SYNM: variants seen among roughly 807,000 people sequenced by gnomAD.
The protein encoded by SYNM is desmuslin.
A neutral mutation model predicts 104.0 loss-of-function variants in SYNM; 95 were observed. That is an observed-to-expected ratio of 0.91 (90% CI 0.77 to 1.08). The LOEUF (loss-of-function observed/expected upper bound fraction) is 1.08. SYNM is among the 50% of genes least tolerant of loss of function. The pLI, the probability that SYNM is intolerant of heterozygous loss-of-function variation, is 0.00. For missense variants in SYNM, 2,150 were observed against 2,052.2 expected (o/e 1.05, Z -0.92); for synonymous variants, 918 against 869.0 (o/e 1.06, Z -0.99).
intron 1 of SYNM, among the ~76,000 whole-genome samples, chr15:99,107,994 G>A: frequency 7.0e-6 from 1 of 142,924 alleles, no homozygotes; most frequent in Non-Finnish European, 1.5e-5. Context: ...TTGGTTTTTT[G>A]AGACGGAGTC....
chr15:99,133,153 A>C lies in SYNM; in HGVS notation c.*95A>C. 5.2e-6 allele frequency: 8 copies of C among 1,530,586 alleles called. No homozygotes were observed. The highest frequency in any genetic ancestry group is 7.0e-6 in the Non-Finnish European group (8 of 1,148,202). 94.8% of individuals were successfully genotyped at this position (1,530,586 alleles called of 1,614,324 possible). On this transcript the variant is annotated 3_prime_UTR_variant, in exon 4 of 4. Transcript: ENST00000336292. The stretch of plus-strand genomic sequence containing the variant: ...TTTAAGAGGCCGAGGGAGTCTATGA[A>C]AATCTCCCCTTTTTTACTTTTTTAA...
In SYNM at chr15:99,132,918, G is replaced by A; in HGVS notation, c.4558G>A (p.Gly1520Ser). The A allele has an allele frequency of 6.2e-7, 1 of 1,613,850 alleles. No homozygotes were observed. The change falls in exon 4 of 4, where the codon GGC (glycine) becomes AGC (serine). Residue 1520 changes from glycine (G) to serine (S), a missense_variant. Coordinates refer to ENST00000336292, the MANE Select transcript of SYNM (RefSeq NM_145728.3). ...AGGAGACCAGGCCCACAGAGAACAG[G>A]GCAAGGAGCAGGCCATGTTTGATAA... ...GEGDQAHREQ[G>S]KEQAMFDKKV...
rs554462266 is a variant in SYNM at position 99,115,958 on chromosome 15, C to T, written c.935+2243C>T. Among the ~76,000 whole-genome samples the T allele has an allele frequency of 1.8e-4, 27 of 152,364 alleles. No homozygotes were observed. The South Asian group carries it at 3.3e-3, about 19-fold the overall frequency. ...ACTCCCATCAGTGAAGAGGGAGCAG[C>T]TCTATCAGGCAGCCCCTGGCCTGGG... On this transcript the variant is annotated intron_variant, in intron 2 of 3. Transcript: ENST00000336292.
Position 99,130,748 on chromosome 15 carries a change from A to T in SYNM, c.2388A>T (p.Thr796=), listed in dbSNP as rs199953085. The change falls in exon 4 of 4, where the codon ACA becomes ACT. Residue 796 remains threonine (T), a synonymous_variant. Coordinates refer to ENST00000336292, the MANE Select transcript of SYNM (RefSeq NM_145728.3). ...AAGGTTATGGAGAAAGCGATGTCAC[A>T]TTCTCAGTTAATCAGCATCGAAGGA... The part of the protein sequence containing the change: ...EEEGYGESDV[T]FSVNQHRRTK... 318 of 1,613,882 alleles carry T rather than the reference A, an allele frequency of 2.0e-4. No individual in the cohort carries two copies. The highest frequency in any genetic ancestry group is 2.4e-4 in the Non-Finnish European group (279 of 1,179,888).
At chr15:99,127,204 G>C (rs2067456006) in intron 3 of SYNM, among the ~76,000 whole-genome samples, 1 of 152,162 alleles carries the variant, frequency 6.6e-6, no homozygotes, top group Admixed American at 6.5e-5. Flanking sequence ...CAGCACTCTG[G>C]AACCTGCTAC....
At chr15:99,115,138 A>G (rs79370414) in intron 2 of SYNM, among the ~76,000 whole-genome samples, 11,055 of 152,040 alleles carry the variant, frequency 0.073, 436 homozygotes, top group South Asian at 0.087. Context: ...TGCCATCCCC[A>G]CCAAGCCGTG....
chr15:99,106,833 T>C (rs1201678137), intron 1 of SYNM, among the ~76,000 whole-genome samples: 1 of 152,228 alleles, frequency 6.6e-6, no homozygotes, highest in African/African-American at 2.4e-5. Flanking sequence ...TTGGAAATAT[T>C]CCCAAATCAC....
rs2067218336 is a variant in SYNM at position 99,105,219 on chromosome 15, A to C, written c.20A>C (p.Gln7Pro). The change falls in exon 1 of 4, where the codon CAG becomes CCG. Residue 7 changes from glutamine (Q) to proline (P), a missense_variant. Physicochemically the swap from Gln to Pro is moderately conservative, Grantham distance 76 (BLOSUM62 -1). Coordinates refer to ENST00000336292, the MANE Select transcript of SYNM (RefSeq NM_145728.3). Reference sequence around the variant, plus strand: ...GGCAAGATGCTGTCCTGGCGGCTGCAGACGGGCCCCGAGAAGGCCGAGCTC... The same window carrying C: ...GGCAAGATGCTGTCCTGGCGGCTGCCGACGGGCCCCGAGAAGGCCGAGCTC... MLSWRL[Q>P]TGPEKAELQE... The C allele has an allele frequency of 3.8e-6, 6 of 1,574,034 alleles. No individual in the cohort carries two copies. In the East Asian group the frequency reaches 1.2e-4, roughly 31 times the overall value.
At chr15:99,123,712 G>A (rs1051504989) in intron 2 of SYNM, among the ~76,000 whole-genome samples, 5 of 152,238 alleles carry the variant, frequency 3.3e-5, no homozygotes, top group East Asian at 1.9e-4. Flanking sequence ...GAAGCACCCC[G>A]TGAATCACCC....
rs1293234443 is a variant in SYNM at position 99,116,857 on chromosome 15, A to G, written c.935+3142A>G. ...ATGCCTGGCTAATTCTTGTATTTTT[A>G]GTAAAGACGGGGTTTCACCATATTG... On this transcript the variant is annotated intron_variant, in intron 2 of 3. Coordinates refer to ENST00000336292, the MANE Select transcript of SYNM (RefSeq NM_145728.3). Among the ~76,000 whole-genome samples the G allele has an allele frequency of 2.1e-5, 3 of 143,136 alleles. 1 individual carries two copies. Among genetic ancestry groups the G allele is most frequent in the African/African-American group, 7.5e-5 (3 of 40,042 alleles). 93.9% of individuals were successfully genotyped at this position (143,136 alleles called of 152,430 possible). A position where few individuals can be genotyped will look rare whatever the true frequency, so the allele number is the denominator to read the frequency against.
downstream of SYNM, chr15:99,138,248 A>G (rs2067767321): frequency 8.6e-7 from 1 of 1,166,404 alleles, no homozygotes; most frequent in Non-Finnish European, 1.2e-6. Context: ...GGTAGGGGCT[A>G]TAAATGAGAG....
chr15:99,113,838 C>A, intron 2 of SYNM, 123 bp downstream of exon 2: 1 of 1,410,728 alleles, frequency 7.1e-7, no homozygotes, highest in Non-Finnish European at 9.4e-7. Flanking sequence ...AAGCAGAGAG[C>A]AGCCCTTGGC....
chr15:99,117,166 C>T (rs977319709), intron 2 of SYNM, among the ~76,000 whole-genome samples: 1 of 104,212 alleles, frequency 9.6e-6, no homozygotes, highest in Non-Finnish European at 2.3e-5. Context: ...ACATCCAAAC[C>T]GTATCAAATC....
In SYNM at chr15:99,129,815, A is replaced by C. The variant is rs781911277; in HGVS notation, c.1455A>C (p.Glu485Asp). The change falls in exon 4 of 4, where the codon GAA becomes GAC. Residue 485 changes from glutamate to aspartate, a missense_variant. By Grantham distance (45) the Glu-to-Asp change is conservative. Transcript: ENST00000336292. ...ACAAGGTGGCAGCAGGTGCTTCGGAAAGCACACGGTCAAATGAGAGGACCG... is the reference window on the plus strand; with the variant it reads ...ACAAGGTGGCAGCAGGTGCTTCGGACAGCACACGGTCAAATGAGAGGACCG... ...RRDKVAAGAS[E>D]STRSNERTVI... 41 of 1,613,518 alleles carry C rather than the reference A, an allele frequency of 2.5e-5. No homozygotes were observed. In the South Asian group the frequency reaches 4.2e-4, roughly 16 times the overall value.
Position 99,132,843 on chromosome 15 carries a change from A to AATG in SYNM, c.4483_4484insATG (p.Ser1495delinsAsnGly). On this transcript the variant is annotated protein_altering_variant, in exon 4 of 4. Coordinates refer to ENST00000336292, the MANE Select transcript of SYNM (RefSeq NM_145728.3). ...CCGTGGTTCCTGGAGAGACGCGGAC[A>AATG]GTAGGAATGACCAGGCAGTTGGTGT... 1 of 1,613,998 alleles carries AATG rather than the reference A, an allele frequency of 6.2e-7. No individual in the cohort carries two copies. The highest frequency in any genetic ancestry group is 8.5e-7 in the Non-Finnish European group (1 of 1,179,890).
chr15:99,134,549 T>C lies in SYNM; in HGVS notation c.*1491T>C, dbSNP rs1408889223. 1 of 152,228 alleles carries C rather than the reference T, an allele frequency of 6.6e-6. No homozygotes were observed. Among genetic ancestry groups the C allele is most frequent in the African/African-American group, 2.4e-5 (1 of 41,460 alleles). The allele number at this position is 152,228 out of a possible 1,614,324, so 9.4% of individuals were successfully genotyped here. A position where few individuals can be genotyped will look rare whatever the true frequency, so the allele number is the denominator to read the frequency against. On this transcript the variant is annotated 3_prime_UTR_variant, in exon 4 of 4. Transcript: ENST00000336292. Reference sequence around the variant, plus strand: ...TTCCAGTAACACAGCATCATCGCACTGACTGTGGCGCACTGGGGAATAACA... The same window carrying C: ...TTCCAGTAACACAGCATCATCGCACCGACTGTGGCGCACTGGGGAATAACA...
Position 99,130,444 on chromosome 15 carries a change from ATGT to A in SYNM, c.2087_2089del (p.Val696del). ...GTTGTGGAGTCTAAACTGACTGAGG[ATGT>A]TGATGTTTCCGATGAAGCTGGCCTG... On this transcript the variant is annotated inframe_deletion, in exon 4 of 4. Coordinates refer to ENST00000336292, the MANE Select transcript of SYNM (RefSeq NM_145728.3). The A allele has an allele frequency of 1.9e-6, 3 of 1,613,892 alleles. No individual in the cohort carries two copies. The highest frequency in any genetic ancestry group is 2.5e-6 in the Non-Finnish European group (3 of 1,179,906).
chr15:99,126,531 C>T (rs954021274), intron 2 of SYNM, among the ~76,000 whole-genome samples, 191 bp from the exon 3 acceptor site: 1 of 152,340 alleles, frequency 6.6e-6, no homozygotes, highest in African/African-American at 2.4e-5. Flanking sequence ...GTGGCCTGGC[C>T]CAGGTCTGCT....
At position 99,129,695 on chromosome 15, in the gene SYNM, C is replaced by G. The variant is rs1555485446; in HGVS notation, c.1335C>G (p.Phe445Leu). 1 of 1,613,892 alleles carries G rather than the reference C, an allele frequency of 6.2e-7. No homozygotes were observed. Residue 445 changes from phenylalanine (F) to leucine (L), a missense_variant, in exon 4 of 4, where the codon TTC becomes TTG. Transcript: ENST00000336292. ...ATACTGAGGCTCAAGTGAAAACATT[C>G]CCTGACAGACCAAAAGCCGGAGATA... ...LRNTEAQVKT[F>L]PDRPKAGDTR...
Sources: gnomAD v4.1 joint callset for allele counts (sites outside exome capture counted in the v4.1 genomes callset) on GRCh38, gnomAD v4.1.1 for gene constraint, MANE v1.5 for transcripts, NCBI Gene and HGNC (gene_info 2026-07-23, HGNC 2026-07-21) for gene names.